Variants in CHCHD6 observed in about 807,000 individuals in gnomAD.
CHCHD6 encodes the protein coiled-coil-helix-coiled-coil-helix domain containing 6, also known as MICOS complex subunit MIC25.
Under a neutral mutation model 32.3 loss-of-function variants are expected in CHCHD6, and 28 were observed. The observed-to-expected ratio is 0.87, with a 90% CI of 0.64 to 1.19. The LOEUF is 1.19. Among genes scored for constraint, CHCHD6 ranks in the 50% most tolerant of loss-of-function variants. The probability of loss-of-function intolerance (pLI) is 0.00; values close to 1 mark genes in which losing one functional copy is unlikely to be tolerated. For missense variants in CHCHD6, 333 were observed against 307.0 expected, an observed-to-expected ratio of 1.08 and a Z score of -0.63; for synonymous variants, 122 against 117.5, an observed-to-expected ratio of 1.04 and a Z score of -0.25.
At chr3:126,885,766 A>T (rs1310571627) in intron 5 of CHCHD6, among the ~76,000 whole-genome samples, 1 of 152,218 alleles carries the variant, frequency 6.6e-6, no homozygotes, top group African/African-American at 2.4e-5. Context: ...TTATTTGCAC[A>T]TAAAACAGGT....
At chr3:126,848,899 G>GGGTTTGTTTAT (rs1941378666) in intron 4 of CHCHD6, among the ~76,000 whole-genome samples, 1 of 152,110 alleles carries the variant, frequency 6.6e-6, no homozygotes, top group African/African-American at 2.4e-5. Flanking sequence ...TCCCATATTT[G>GGGTTTGTTTAT]AGATTCAGTT....
At chr3:126,783,265 A>G (rs923834742) in intron 4 of CHCHD6, among the ~76,000 whole-genome samples, 18 of 152,340 alleles carry the variant, frequency 1.2e-4, no homozygotes, top group Middle Eastern at 3.4e-3. Context: ...ACATCCTTTC[A>G]TGATAAAAAT....
At chr3:126,794,774 T>C (rs1938713714) in intron 4 of CHCHD6, among the ~76,000 whole-genome samples, 1 of 152,180 alleles carries the variant, frequency 6.6e-6, no homozygotes, top group Admixed American at 6.5e-5. Flanking sequence ...CTTAGAATAG[T>C]ATCATATTAG....
chr3:126,953,897 C>T (rs2078750255), intron 6 of CHCHD6, among the ~76,000 whole-genome samples: 1 of 152,160 alleles, frequency 6.6e-6, no homozygotes. Context: ...TGTTTCTGAA[C>T]ATGGGAGCTG....
chr3:126,906,541 C>T (rs538182176), intron 5 of CHCHD6, among the ~76,000 whole-genome samples: 2 of 152,306 alleles, frequency 1.3e-5, no homozygotes, highest in South Asian at 4.2e-4. Context: ...GGTGTAGTCT[C>T]ATCCCAGACC....
chr3:126,886,673 C>T (rs2077684363), intron 5 of CHCHD6, among the ~76,000 whole-genome samples: 2 of 152,194 alleles, frequency 1.3e-5, no homozygotes, highest in African/African-American at 4.8e-5. Context: ...GACTTAGAAC[C>T]TGAAGGGCAT....
chr3:126,817,412 T>TA lies in CHCHD6; in HGVS notation c.412-35234dup, dbSNP rs562140299. ...GAGCCACTTCTAGGGCATTGATAGT[T>TA]ACCAAAAAAAGACCCTGGCTTCCTT... is the stretch of plus-strand genomic sequence containing the variant. On this transcript the variant is annotated intron_variant, in intron 4 of 7. Coordinates refer to ENST00000290913, the MANE Select transcript of CHCHD6 (RefSeq NM_032343.3). Among the ~76,000 whole-genome samples the TA allele has an allele frequency of 2.4e-4, 36 of 152,050 alleles. No individual in the cohort carries two copies. In the East Asian group the frequency reaches 5.6e-3, roughly 24 times the overall value.
In CHCHD6 at chr3:126,829,166, T is replaced by G. The variant is rs56255781; in HGVS notation, c.412-23481T>G. 8.0e-3 allele frequency among the ~76,000 whole-genome samples: 1,223 copies of G among 152,300 alleles called. 12 individuals carry two copies. The highest frequency in any genetic ancestry group is 0.011 in the Non-Finnish European group (755 of 68,038). On this transcript the variant is annotated intron_variant, in intron 4 of 7. Coordinates refer to ENST00000290913, the MANE Select transcript of CHCHD6 (RefSeq NM_032343.3). ...TTATTGCATACCACAAATTTTGCCCTATATGTATGTAGTTCAGTGATCAGC... is the reference window on the plus strand; with the variant it reads ...TTATTGCATACCACAAATTTTGCCCGATATGTATGTAGTTCAGTGATCAGC...
rs182242870 is a variant in CHCHD6 at position 126,781,929 on chromosome 3, G to A, written c.411+48707G>A. Among the ~76,000 whole-genome samples the A allele has an allele frequency of 5.8e-3, 884 of 152,258 alleles. 8 individuals are homozygous for A. Among genetic ancestry groups the A allele is most frequent in the African/African-American group, 0.02 (831 of 41,548 alleles). The stretch of plus-strand genomic sequence containing the variant: ...AGTGAAGGGGAAAAGCCTCTTCTTG[G>A]AGGGTGGAGATTAGGGGAGGGTCTG... On this transcript the variant is annotated intron_variant, in intron 4 of 7. Transcript: ENST00000290913.
At chr3:126,735,290 G>A (rs987931467) in intron 4 of CHCHD6, among the ~76,000 whole-genome samples, 4 of 152,166 alleles carry the variant, frequency 2.6e-5, no homozygotes, top group Non-Finnish European at 5.9e-5. Flanking sequence ...GAGATTGAGC[G>A]CCGCTTTCTC....
intron 4 of CHCHD6, among the ~76,000 whole-genome samples, chr3:126,844,895 T>C (rs191538759): frequency 9.9e-5 from 15 of 152,096 alleles, no homozygotes; most frequent in African/African-American, 3.6e-4. Flanking sequence ...CAGAAGTCAG[T>C]GTGATGTGAG....
intron 5 of CHCHD6, among the ~76,000 whole-genome samples, chr3:126,876,895 C>T (rs112395761): frequency 6.6e-5 from 10 of 152,094 alleles, no homozygotes; most frequent in Non-Finnish European, 1.0e-4. Flanking sequence ...AAGCAGCCAG[C>T]GGACTCAGCA....
In CHCHD6 at chr3:126,839,996, A is replaced by G. The variant is rs187431158; in HGVS notation, c.412-12651A>G. 7.9e-5 allele frequency among the ~76,000 whole-genome samples: 12 copies of G among 152,234 alleles called. No homozygotes were observed. In the East Asian group the frequency reaches 2.3e-3, roughly 29 times the overall value. Reference sequence around the variant, plus strand: ...GGCCCCCAGGTCTTGGCAAGCACTCATCTGTTTTCTATCTCTATGTGTTTG... The same window carrying G: ...GGCCCCCAGGTCTTGGCAAGCACTCGTCTGTTTTCTATCTCTATGTGTTTG... On this transcript the variant is annotated intron_variant, in intron 4 of 7. Transcript: ENST00000290913.
chr3:126,830,177 C>T (rs1662148512), intron 4 of CHCHD6, among the ~76,000 whole-genome samples: 1 of 152,140 alleles, frequency 6.6e-6, no homozygotes, highest in African/African-American at 2.4e-5. Context: ...TGGTAGCAGC[C>T]TGAGCTAAGA....
intron 5 of CHCHD6, among the ~76,000 whole-genome samples, chr3:126,855,708 A>G (rs1941643715): frequency 6.6e-6 from 1 of 152,108 alleles, no homozygotes; most frequent in Non-Finnish European, 1.5e-5. Context: ...TGCACATCTG[A>G]CAGTGTCACA....
chr3:126,718,466 C>G (rs1364099098), intron 1 of CHCHD6, among the ~76,000 whole-genome samples: 1 of 152,164 alleles, frequency 6.6e-6, no homozygotes, highest in African/African-American at 2.4e-5. Context: ...TAAGAAGTCC[C>G]CTGGCCAAGG....
At chr3:126,705,269 AATT>A (rs1934426752) in intron 1 of CHCHD6, among the ~76,000 whole-genome samples, 3 of 152,160 alleles carry the variant, frequency 2.0e-5, no homozygotes, top group Admixed American at 2.0e-4. Flanking sequence ...TTCTGTTGAT[AATT>A]GTTTACTTGT....
intron 6 of CHCHD6, among the ~76,000 whole-genome samples, chr3:126,938,762 G>A (rs1484091450): frequency 7.0e-6 from 1 of 143,118 alleles, no homozygotes; most frequent in African/African-American, 2.6e-5. Flanking sequence ...CCTCAGGACT[G>A]AGGGGGCTGT....
At chr3:126,905,346 G>A (rs1404749418) in intron 5 of CHCHD6, among the ~76,000 whole-genome samples, 1 of 152,220 alleles carries the variant, frequency 6.6e-6, no homozygotes, top group East Asian at 1.9e-4. Flanking sequence ...ATTCAGCAGA[G>A]ATGACCTTGT....
Sources: allele counts gnomAD v4.1 joint callset (sites outside exome capture counted in the v4.1 genomes callset), GRCh38; gene constraint gnomAD v4.1.1; transcripts MANE v1.5; gene names NCBI Gene and HGNC (gene_info 2026-07-23, HGNC 2026-07-21).